The following SHLD1 variants were observed in gnomAD, a reference collection of about 807,000 sequenced individuals.
The protein encoded by SHLD1 is shieldin complex subunit 1, also known as RINN1-REV7-interacting novel NHEJ regulator 3.
SHLD1 carries 3 observed loss-of-function variants against 5.5 expected under a neutral mutation model. The ratio of observed to expected loss-of-function variants is 0.54; its 90% CI spans 0.25 to 1.40. SHLD1 has a LOEUF of 1.40. Among genes scored for constraint, SHLD1 ranks in the 40% most tolerant of loss-of-function variants. The probability of loss-of-function intolerance (pLI) is 0.15; values close to 1 mark genes in which losing one functional copy is unlikely to be tolerated. For missense variants in SHLD1, 210 were observed against 244.4 expected (o/e 0.86, Z 0.94); for synonymous variants, 92 against 94.3 (o/e 0.98, Z 0.14).
At chr20:5,783,918 G>T (rs113547178) in intron 2 of SHLD1, among the ~76,000 whole-genome samples, 2,210 of 152,208 alleles carry the variant, frequency 0.015, 52 homozygotes, top group African/African-American at 0.05. Flanking sequence ...TTGGGAGGCC[G>T]AGGCTGGTGG....
rs573029458 is a variant in SHLD1, at chr20:5,849,266, C to T, written c.179-13758C>T. ...GACTAAACCAGAAAGAGAACTCCAG[C>T]GAGGTGCCGATGGTTCAGAGTGAAT... On this transcript the variant is annotated intron_variant, in intron 2 of 2. Coordinates refer to ENST00000303142, the MANE Select transcript of SHLD1 (RefSeq NM_152504.4). 7.2e-5 allele frequency among the ~76,000 whole-genome samples: 11 copies of T among 152,270 alleles called. No individual in the cohort carries two copies. The East Asian group carries it at 1.5e-3, about 21-fold the overall frequency.
chr20:5,812,957 C>T (rs1246037957), intron 2 of SHLD1, among the ~76,000 whole-genome samples: 1 of 152,032 alleles, frequency 6.6e-6, no homozygotes, highest in East Asian at 1.9e-4. Flanking sequence ...TTACCACAGC[C>T]TCAACCTCCC....
intron 2 of SHLD1, among the ~76,000 whole-genome samples, chr20:5,792,124 T>C (rs959318506): frequency 4.6e-5 from 7 of 152,226 alleles, no homozygotes; most frequent in Non-Finnish European, 8.8e-5. Context: ...AGATATGTGA[T>C]TTGCAAATAT....
At chr20:5,752,615 GTTT>G (rs776510495) in intron 1 of SHLD1, among the ~76,000 whole-genome samples, 1 of 120,622 alleles carries the variant, frequency 8.3e-6, no homozygotes, top group Non-Finnish European at 1.8e-5. Flanking sequence ...ATATTTTGGG[GTTT>G]TTTTTTTTTT....
At chr20:5,858,596 G>A (rs527759958) in intron 2 of SHLD1, among the ~76,000 whole-genome samples, 1 of 152,336 alleles carries the variant, frequency 6.6e-6, no homozygotes, top group South Asian at 2.1e-4. Context: ...CACTTTGGAA[G>A]GCCAAGGTGA....
At chr20:5,763,073 G>A (rs1311214104) in intron 1 of SHLD1, among the ~76,000 whole-genome samples, 3 of 151,852 alleles carry the variant, frequency 2.0e-5, no homozygotes, top group Non-Finnish European at 4.4e-5. Flanking sequence ...TTGGGAGGCC[G>A]AGGCAGGCGG....
At chr20:5,764,076 G>A (rs1244029226) in intron 1 of SHLD1, among the ~76,000 whole-genome samples, 6 of 143,122 alleles carry the variant, frequency 4.2e-5, no homozygotes, top group South Asian at 2.2e-4. Context: ...GCTGTGAGTC[G>A]AGATCGTGCC....
At position 5,777,099 on chromosome 20, in the gene SHLD1, C is replaced by T. The variant is rs35289656; in HGVS notation, c.178+4056C>T. On this transcript the variant is annotated intron_variant, in intron 2 of 2. Transcript: ENST00000303142. ...CACCTCCCTGGTTAAAGCAATTCTC[C>T]TGCCTCAGCCTCCTGAGTAGCTGGG... 5.5e-3 allele frequency among the ~76,000 whole-genome samples: 830 copies of T among 152,140 alleles called. 10 individuals are homozygous for T. The highest frequency in any genetic ancestry group is 0.019 in the African/African-American group (786 of 41,520).
In SHLD1 at chr20:5,777,957, T is replaced by G. The variant is rs1985505988; in HGVS notation, c.178+4914T>G. On this transcript the variant is annotated intron_variant, in intron 2 of 2. Coordinates refer to ENST00000303142, the MANE Select transcript of SHLD1 (RefSeq NM_152504.4). The stretch of plus-strand genomic sequence containing the variant: ...AAACATTTTAAAACAATTTTTATTT[T>G]GCTGTGCACTCTGCAATTCTGTAGT... Among the ~76,000 whole-genome samples, 3 of 152,154 alleles carry G rather than the reference T, an allele frequency of 2.0e-5. No individual in the cohort carries two copies. In the South Asian group the frequency reaches 6.2e-4, roughly 31 times the overall value.
chr20:5,760,542 A>C (rs1984399059), intron 1 of SHLD1, among the ~76,000 whole-genome samples: 1 of 151,832 alleles, frequency 6.6e-6, no homozygotes, highest in South Asian at 2.1e-4. Context: ...AAAATACAAA[A>C]ATTAGTCGGG....
chr20:5,847,719 G>C (rs2087948686), intron 2 of SHLD1, among the ~76,000 whole-genome samples: 1 of 152,208 alleles, frequency 6.6e-6, no homozygotes, highest in South Asian at 2.1e-4. Flanking sequence ...TACAACTTTA[G>C]TGTCTGACAA....
intron 2 of SHLD1, among the ~76,000 whole-genome samples, chr20:5,834,000 A>G (rs1385584499): frequency 6.6e-6 from 1 of 152,196 alleles, no homozygotes; most frequent in Admixed American, 6.5e-5. Flanking sequence ...GAGGAGGTGA[A>G]ACTTCAAGTG....
chr20:5,827,867 C>T (rs1386726429), intron 2 of SHLD1, among the ~76,000 whole-genome samples: 3 of 146,862 alleles, frequency 2.0e-5, no homozygotes, highest in African/African-American at 7.4e-5. Flanking sequence ...ATTTGTGGAC[C>T]ACTTCCTCTA....
rs1381804763 is a variant in SHLD1, at chr20:5,863,852, C to T, written c.*389C>T. ...TGCTGGGCTTAATCCCTTTCCCTACCCTCCCATTTATTTACTGGTGTCTCT... is the reference window on the plus strand; with the variant it reads ...TGCTGGGCTTAATCCCTTTCCCTACTCTCCCATTTATTTACTGGTGTCTCT... On this transcript the variant is annotated 3_prime_UTR_variant, in exon 3 of 3. Transcript: ENST00000303142. 6.1e-6 allele frequency: 1 copy of T among 164,412 alleles called. No homozygotes were observed. The highest frequency in any genetic ancestry group is 1.3e-5 in the Non-Finnish European group (1 of 76,652). The allele number at this position is 164,412 out of a possible 1,614,324, so 10.2% of individuals were successfully genotyped here.
At chr20:5,752,161 C>T (rs922088089) in intron 1 of SHLD1, among the ~76,000 whole-genome samples, 9 of 151,966 alleles carry the variant, frequency 5.9e-5, no homozygotes, top group South Asian at 2.1e-4. Flanking sequence ...TTTGTGAGGC[C>T]GTGGCAGGCA....
chr20:5,761,956 A>AT (rs886767902), intron 1 of SHLD1, among the ~76,000 whole-genome samples: 18 of 150,232 alleles, frequency 1.2e-4, no homozygotes, highest in South Asian at 8.4e-4. Flanking sequence ...GAAGGTAAGT[A>AT]TTTTTTTTTC....
At chr20:5,778,617 A>AAAT (rs1985550698) in intron 2 of SHLD1, among the ~76,000 whole-genome samples, 1 of 151,774 alleles carries the variant, frequency 6.6e-6, no homozygotes, top group African/African-American at 2.4e-5. Context: ...AAAAAAAAAA[A>AAAT]AAAATAAGGA....
intron 2 of SHLD1, among the ~76,000 whole-genome samples, chr20:5,792,833 C>T (rs916165154): frequency 6.6e-6 from 1 of 151,892 alleles, no homozygotes; most frequent in African/African-American, 2.4e-5. Context: ...GCCAATATGC[C>T]TGGCTGATTT....
chr20:5,818,178 C>T (rs772957492), intron 2 of SHLD1, among the ~76,000 whole-genome samples: 6 of 151,940 alleles, frequency 3.9e-5, no homozygotes, highest in Admixed American at 6.6e-5. Context: ...CAGGTTCAAG[C>T]GATTCTCCTG....
Sources: gnomAD v4.1 joint callset for allele counts (sites outside exome capture counted in the v4.1 genomes callset) on GRCh38, gnomAD v4.1.1 for gene constraint, MANE v1.5 for transcripts, NCBI Gene and HGNC (gene_info 2026-07-23, HGNC 2026-07-21) for gene names.